Variants in CCDC12 observed in about 807,000 individuals in gnomAD.
The protein encoded by CCDC12 is coiled-coil domain containing 12.
In CCDC12, 28 loss-of-function variants were observed where a neutral mutation model predicts 25.7. The ratio of observed to expected loss-of-function variants is 1.09; its 90% confidence interval spans 0.81 to 1.50. The LOEUF is 1.50. Among genes scored for constraint, CCDC12 ranks in the 40% most tolerant of loss-of-function variants. The probability of loss-of-function intolerance (pLI) is 0.00; values close to 1 mark genes in which losing one functional copy is unlikely to be tolerated. For synonymous variants in CCDC12, 75 were observed against 87.7 expected (o/e 0.86, Z 0.81); for missense variants, 198 against 210.0 (o/e 0.94, Z 0.35).
intron 2 of CCDC12, among the ~76,000 whole-genome samples, chr3:46,928,480 T>G (rs10865943): frequency 6.6e-6 from 1 of 151,860 alleles, no homozygotes; most frequent in Non-Finnish European, 1.5e-5. Context: ...CCATTGAACA[T>G]AGTGGCAGAA....
chr3:46,949,946 G>A (rs574389006), intron 1 of CCDC12, among the ~76,000 whole-genome samples: 123 of 150,304 alleles, frequency 8.2e-4, no homozygotes, highest in African/African-American at 2.9e-3. Context: ...AGAACTGCTC[G>A]AACCCAGAGG....
intron 1 of CCDC12, among the ~76,000 whole-genome samples, chr3:46,963,709 C>T (rs1250553146): frequency 3.3e-5 from 5 of 152,252 alleles, no homozygotes; most frequent in East Asian, 3.9e-4. Flanking sequence ...CCGCCAGCCT[C>T]GGCCTCCCGA....
chr3:46,963,590 C>T (rs887472096), intron 1 of CCDC12, among the ~76,000 whole-genome samples: 18 of 152,330 alleles, frequency 1.2e-4, no homozygotes, highest in South Asian at 2.1e-4. Flanking sequence ...CGAGTGCCTG[C>T]GATCGCAGGC....
chr3:46,951,060 C>T (rs1469522446), intron 1 of CCDC12, among the ~76,000 whole-genome samples: 5 of 151,970 alleles, frequency 3.3e-5, no homozygotes, highest in African/African-American at 1.2e-4. Flanking sequence ...AACAAGGCCA[C>T]GAGGTCAAGG....
chr3:46,967,013 C>CT (rs1335849290), intron 1 of CCDC12, among the ~76,000 whole-genome samples: 1 of 152,182 alleles, frequency 6.6e-6, no homozygotes, highest in Non-Finnish European at 1.5e-5. Flanking sequence ...TCCCAGTCCT[C>CT]TGTCTCTGTG....
At chr3:46,955,102 G>A (rs2034247052) in intron 1 of CCDC12, among the ~76,000 whole-genome samples, 1 of 152,072 alleles carries the variant, frequency 6.6e-6, no homozygotes, top group African/African-American at 2.4e-5. Context: ...ACTACAGATC[G>A]AAGAAACCTA....
At chr3:46,966,225 A>G (rs1029241294) in intron 1 of CCDC12, 1 of 152,504 alleles carries the variant, frequency 6.6e-6, no homozygotes, top group African/African-American at 2.4e-5. Flanking sequence ...AGAAAGAAAG[A>G]AAGCGGGCTG....
chr3:46,931,738 C>T (rs946174685), intron 2 of CCDC12, among the ~76,000 whole-genome samples: 2 of 152,240 alleles, frequency 1.3e-5, no homozygotes, highest in African/African-American at 4.8e-5. Flanking sequence ...AGAGAGAGAA[C>T]TGCTGTGAGG....
intron 1 of CCDC12, among the ~76,000 whole-genome samples, chr3:46,964,144 C>G (rs1392795686): frequency 2.0e-5 from 3 of 147,128 alleles, no homozygotes; most frequent in African/African-American, 7.8e-5. Context: ...TCTGCCCGGC[C>G]GCCCCGTCTG....
chr3:46,922,258 C>A lies in CCDC12; in HGVS notation c.396G>T (p.Gln132His). The change falls in exon 6 of 7, where the codon CAG (glutamine) becomes CAT (histidine). Residue 132 changes from glutamine to histidine, a missense_variant. Gln to His is a conservative substitution (Grantham distance 24). Transcript: ENST00000683445. ...TACGGATCAGCTCGGCAATGGCCCT[C>A]TGAGTCCGCTTTTTTAGTTTCTCCA... The part of the protein sequence containing the change: ...KKLEKLKKRT[Q>H]RAIAELIRER... 6 of 1,614,280 alleles carry A rather than the reference C, an allele frequency of 3.7e-6. No homozygotes were observed. The highest frequency in any genetic ancestry group is 5.1e-6 in the Non-Finnish European group (6 of 1,180,050).
intron 1 of CCDC12, among the ~76,000 whole-genome samples, chr3:46,948,673 T>G (rs2033999120): frequency 6.6e-6 from 1 of 152,188 alleles, no homozygotes; most frequent in Non-Finnish European, 1.5e-5. Flanking sequence ...GAGGGCCCGC[T>G]CCACTCAGAA....
chr3:46,923,546 T>C, intron 4 of CCDC12, 61 bp downstream of exon 4: 1 of 1,544,638 alleles, frequency 6.5e-7, no homozygotes, highest in East Asian at 2.3e-5. Context: ...GGAGAGCAAG[T>C]GGCGAAGAGA....
chr3:46,955,045 C>T (rs2034244878), intron 1 of CCDC12, among the ~76,000 whole-genome samples: 1 of 152,222 alleles, frequency 6.6e-6, no homozygotes, highest in African/African-American at 2.4e-5. Flanking sequence ...ATGCCCAGTT[C>T]TTTTCCAATG....
chr3:46,950,481 CTTTT>C lies in CCDC12; in HGVS notation c.97-9420_97-9417del, dbSNP rs869066470. Among the ~76,000 whole-genome samples, 8 of 122,148 alleles carry C rather than the reference CTTTT, an allele frequency of 6.5e-5. No homozygotes were observed. The South Asian group carries it at 8.3e-4, about 13-fold the overall frequency. The allele number at this position is 122,148 out of a possible 152,430, so 80.1% of individuals were successfully genotyped here. ...TACAGGGGCATGCCACCATGCACAG[CTTTT>C]TTTTTTTTTTTGGGGTAGAGACAGG... On this transcript the variant is annotated intron_variant, in intron 1 of 6. Transcript: ENST00000683445.
chr3:46,976,479 A>T, intron 1 of CCDC12, 158 bp downstream of exon 1: 1 of 1,435,120 alleles, frequency 7.0e-7, no homozygotes, highest in Non-Finnish European at 9.1e-7. Flanking sequence ...AGCCCCAGAC[A>T]TCGTGGGAGG....
intron 1 of CCDC12, among the ~76,000 whole-genome samples, chr3:46,961,555 G>T (rs1035525353): frequency 6.6e-6 from 1 of 152,204 alleles, no homozygotes; most frequent in African/African-American, 2.4e-5. Context: ...TTTCTCTAGT[G>T]CACAAAGCCT....
chr3:46,943,249 G>A (rs1174928612), intron 1 of CCDC12, among the ~76,000 whole-genome samples: 3 of 152,252 alleles, frequency 2.0e-5, no homozygotes, highest in African/African-American at 7.2e-5. Context: ...TTCCACAAGG[G>A]CCCTGCTGAC....
At chr3:46,973,353 C>CAA (rs71098438) in intron 1 of CCDC12, among the ~76,000 whole-genome samples, 8,424 of 103,658 alleles carry the variant, frequency 0.081, 769 homozygotes, top group African/African-American at 0.23. Flanking sequence ...AGCTCCATCT[C>CAA]AAAAAAAAAA....
In CCDC12 at chr3:46,941,139, A is replaced by C. The variant is rs536338076; in HGVS notation, c.97-74T>G. 4 of 1,446,160 alleles carry C rather than the reference A, an allele frequency of 2.8e-6. No homozygotes were observed. The Admixed American group carries it at 6.7e-5, about 24-fold the overall frequency. The allele number at this position is 1,446,160 out of a possible 1,614,324, so 89.6% of individuals were successfully genotyped here. A position where few individuals can be genotyped will look rare whatever the true frequency, so the allele number is the denominator to read the frequency against. ...CCAGTCCACGTGGCCCAGGGAGCTA[A>C]AGAACAGGACATCTCAGAAGGGGGG... On this transcript the variant is annotated intron_variant, in intron 1 of 6. Coordinates refer to ENST00000683445, the MANE Select transcript of CCDC12 (RefSeq NM_001277074.2).
Sources: gnomAD v4.1 joint callset for allele counts (sites outside exome capture counted in the v4.1 genomes callset) on GRCh38, gnomAD v4.1.1 for gene constraint, MANE v1.5 for transcripts, NCBI Gene and HGNC (gene_info 2026-07-23, HGNC 2026-07-21) for gene names.